DNAJC15: variants seen among roughly 807,000 people sequenced by gnomAD.
DNAJC15 encodes dnaJ homolog subfamily C member 15.
DNAJC15 carries 27 observed loss-of-function variants against 22.4 expected under a neutral mutation model. The observed-to-expected ratio is 1.20, with a 90% CI of 0.89 to 1.66. The LOEUF is 1.66. DNAJC15 is among the 40% of genes most tolerant of loss of function. The pLI, the probability that DNAJC15 is intolerant of heterozygous loss-of-function variation, is 0.00. For missense variants in DNAJC15, 208 were observed against 187.1 expected, an observed-to-expected ratio of 1.11 and a Z score of -0.65; for synonymous variants, 79 against 63.2, an observed-to-expected ratio of 1.25 and a Z score of -1.19.
At chr13:43,080,825 A>G (rs2040658497) in intron 4 of DNAJC15, among the ~76,000 whole-genome samples, 1 of 152,236 alleles carries the variant, frequency 6.6e-6, no homozygotes, top group African/African-American at 2.4e-5. Flanking sequence ...ACGAACGCAG[A>G]AGCTAGATAT....
chr13:43,057,910 C>CTAGT, intron 1 of DNAJC15, among the ~76,000 whole-genome samples: 1 of 152,214 alleles, frequency 6.6e-6, no homozygotes, highest in Middle Eastern at 3.4e-3. Context: ...GGGCTCTGGG[C>CTAGT]TAGTACTGGG....
At chr13:43,027,895 G>A (rs971545513) in intron 1 of DNAJC15, among the ~76,000 whole-genome samples, 2 of 152,114 alleles carry the variant, frequency 1.3e-5, no homozygotes, top group African/African-American at 4.8e-5. Flanking sequence ...GACCTCAAGC[G>A]ATCCACCCTC....
chr13:43,042,215 T>G (rs1027907718), intron 1 of DNAJC15, among the ~76,000 whole-genome samples: 76 of 152,282 alleles, frequency 5.0e-4, no homozygotes, highest in Middle Eastern at 3.4e-3. Flanking sequence ...TATGATAAAG[T>G]TTAATTTATA....
rs563077095 is a variant in DNAJC15, at chr13:43,082,672, C to G, written c.312-3096C>G. ...ATAATGCGTTGTGGAGTTTTATGTA[C>G]AAAACTATGTGGAACTGATTTTCAG... On this transcript the variant is annotated intron_variant, in intron 4 of 5. Transcript: ENST00000379221. Among the ~76,000 whole-genome samples the G allele has an allele frequency of 7.9e-5, 12 of 152,140 alleles. No homozygotes were observed. The South Asian group carries it at 2.3e-3, about 29-fold the overall frequency.
intron 1 of DNAJC15, among the ~76,000 whole-genome samples, chr13:43,061,941 T>A (rs1428205131): frequency 6.6e-6 from 1 of 152,230 alleles, no homozygotes; most frequent in Non-Finnish European, 1.5e-5. Flanking sequence ...AGGACTCATA[T>A]GATATAGACC....
At chr13:43,096,088 T>C (rs2040738308) in intron 5 of DNAJC15, among the ~76,000 whole-genome samples, 1 of 152,058 alleles carries the variant, frequency 6.6e-6, no homozygotes, top group African/African-American at 2.4e-5. Context: ...TCAGTGGAAA[T>C]GATCGAGAGA....
At chr13:43,067,036 T>C (rs886688427) in intron 2 of DNAJC15, among the ~76,000 whole-genome samples, 2 of 152,238 alleles carry the variant, frequency 1.3e-5, no homozygotes, top group African/African-American at 4.8e-5. Context: ...GAATATGTCC[T>C]TATTGATAAA....
At chr13:43,040,868 A>G (rs1189386588) in intron 1 of DNAJC15, among the ~76,000 whole-genome samples, 2 of 152,218 alleles carry the variant, frequency 1.3e-5, no homozygotes, top group African/African-American at 2.4e-5. Flanking sequence ...GCATACACAT[A>G]AACATCTCAA....
intron 5 of DNAJC15, among the ~76,000 whole-genome samples, chr13:43,086,338 G>A (rs940319471): frequency 6.6e-6 from 1 of 152,106 alleles, no homozygotes; most frequent in Non-Finnish European, 1.5e-5. Flanking sequence ...TTATCTTACA[G>A]AAAGACAATT....
intron 3 of DNAJC15, among the ~76,000 whole-genome samples, chr13:43,071,470 G>A (rs2040608906): frequency 6.6e-6 from 1 of 152,052 alleles, no homozygotes; most frequent in South Asian, 2.1e-4. Context: ...CTTTATCATT[G>A]TCATAATCAT....
At chr13:43,036,200 C>T (rs1593309839) in intron 1 of DNAJC15, among the ~76,000 whole-genome samples, 1 of 139,628 alleles carries the variant, frequency 7.2e-6, no homozygotes, top group Admixed American at 7.2e-5. Context: ...CAGGGTCTCA[C>T]TGTCATCCAG....
chr13:43,076,185 T>C (rs2040633344), intron 3 of DNAJC15, among the ~76,000 whole-genome samples: 1 of 152,200 alleles, frequency 6.6e-6, no homozygotes, highest in South Asian at 2.1e-4. Context: ...TTGGAGAGTA[T>C]ATTATATTCT....
At position 43,078,679 on chromosome 13, in the gene DNAJC15, T is replaced by C. The variant is rs758416718; in HGVS notation, c.302T>C (p.Leu101Ser). ...KMSRREAGLILGVSPSAGKAK... is the reference protein window; with the variant it reads ...KMSRREAGLISGVSPSAGKAK... ...AGTAGGCGAGAAGCTGGTCTTATTT[T>C]AGGTGTAAGGTAGGTGTGCAGCATA... Residue 101 changes from leucine (L) to serine (S), a missense_variant, in exon 4 of 6, where the codon TTA becomes TCA. Transcript: ENST00000379221. The C allele has an allele frequency of 6.2e-7, 1 of 1,613,466 alleles. No individual in the cohort carries two copies. The highest frequency in any genetic ancestry group is 1.3e-5 in the African/African-American group (1 of 74,924).
intron 3 of DNAJC15, among the ~76,000 whole-genome samples, chr13:43,069,895 C>G (rs908221189): frequency 6.6e-6 from 1 of 152,000 alleles, no homozygotes; most frequent in African/African-American, 2.4e-5. Flanking sequence ...AACTACTAAA[C>G]TACCTACTTT....
intron 1 of DNAJC15, among the ~76,000 whole-genome samples, chr13:43,055,660 AT>A (rs1467404575): frequency 6.6e-6 from 1 of 152,100 alleles, no homozygotes; most frequent in Non-Finnish European, 1.5e-5. Context: ...AATTTTACTT[AT>A]CTTTTCAAAG....
chr13:43,048,867 A>G (rs1373136445), intron 1 of DNAJC15, among the ~76,000 whole-genome samples: 1 of 152,120 alleles, frequency 6.6e-6, no homozygotes, highest in East Asian at 1.9e-4. Context: ...CTGCAGGCCT[A>G]GAAAATGTTA....
chr13:43,073,855 G>GT (rs1237829055), intron 3 of DNAJC15, among the ~76,000 whole-genome samples: 3 of 148,634 alleles, frequency 2.0e-5, no homozygotes, highest in Non-Finnish European at 3.0e-5. Flanking sequence ...CCTTTTGCTT[G>GT]TTTTTTTGTT....
rs575361205 is a variant in DNAJC15, at chr13:43,095,476, A to G, written c.382+9638A>G. Among the ~76,000 whole-genome samples, 13 of 152,330 alleles carry G rather than the reference A, an allele frequency of 8.5e-5. No individual in the cohort carries two copies. In the South Asian group the frequency reaches 1.0e-3, roughly 12 times the overall value. On this transcript the variant is annotated intron_variant, in intron 5 of 5. Coordinates refer to ENST00000379221, the MANE Select transcript of DNAJC15 (RefSeq NM_013238.3). ...TGGAAATAGAGAATAGGAATTGAAT[A>G]AATGACTCTAGAGTTCAGAGAAGCA...
chr13:43,108,091 A>G lies in DNAJC15; in HGVS notation c.*843A>G, dbSNP rs2040806957. The stretch of plus-strand genomic sequence containing the variant: ...ATATGTAGAGGAAGGATAAATCACA[A>G]ATAGTGAATACTGTTAGATACAGAT... On this transcript the variant is annotated 3_prime_UTR_variant, in exon 6 of 6. Coordinates refer to ENST00000379221, the MANE Select transcript of DNAJC15 (RefSeq NM_013238.3). The G allele has an allele frequency of 6.5e-6, 1 of 152,684 alleles. No homozygotes were observed. Among genetic ancestry groups the G allele is most frequent in the Non-Finnish European group, 1.5e-5 (1 of 68,038 alleles). The allele number at this position is 152,684 out of a possible 1,614,324, so 9.5% of individuals were successfully genotyped here.
Sources: gnomAD v4.1 joint callset for allele counts (sites outside exome capture counted in the v4.1 genomes callset) on GRCh38, gnomAD v4.1.1 for gene constraint, MANE v1.5 for transcripts, NCBI Gene and HGNC (gene_info 2026-07-23, HGNC 2026-07-21) for gene names.